MCC: variants seen among roughly 807,000 people sequenced by gnomAD.
The protein encoded by MCC is colorectal mutant cancer protein.
Under a neutral mutation model 116.2 loss-of-function variants are expected in MCC, and 90 were observed. The ratio of observed to expected loss-of-function variants is 0.77; its 90% CI spans 0.65 to 0.92. The LOEUF (loss-of-function observed/expected upper bound fraction) is 0.92, where lower values mean the gene tolerates loss of function less well. Among genes scored for constraint, MCC ranks in the 40% least tolerant of loss-of-function variants. The pLI is 0.00. For missense variants in MCC, 1,516 were observed against 1,312.2 expected (o/e 1.16, Z -2.40); for synonymous variants, 578 against 510.5 (o/e 1.13, Z -1.78).
Position 113,023,880 on chromosome 5 carries a change from A to G in MCC, c.*3422T>C, listed in dbSNP as rs1750339984. On this transcript the variant is annotated 3_prime_UTR_variant, in exon 19 of 19. Transcript: ENST00000408903. ...CCATAGGAAACACCTTCAGAAGGGA[A>G]CAAGCAACTATGGAGGTTCTTTAAT... 6.6e-6 allele frequency: 1 copy of G among 152,246 alleles called. No individual in the cohort carries two copies. The highest frequency in any genetic ancestry group is 1.5e-5 in the Non-Finnish European group (1 of 68,038). The allele number at this position is 152,246 out of a possible 1,614,324, so 9.4% of individuals were successfully genotyped here.
chr5:113,053,902 C>G lies in MCC; in HGVS notation c.2271G>C (p.Gln757His). 3 of 1,614,138 alleles carry G rather than the reference C, an allele frequency of 1.9e-6. No homozygotes were observed. The highest frequency in any genetic ancestry group is 2.5e-6 in the Non-Finnish European group (3 of 1,180,000). ...CDTEFTKEDE[Q>H]RLKDYIQQLK... ...GCTGCTGGATATAATCCTTCAGCCT[C>G]TGCTCGTCTTCTTTAGTGAACTCGG... Residue 757 changes from glutamine to histidine, a missense_variant, in exon 15 of 19, where the codon CAG (glutamine) becomes CAC (histidine). Transcript: ENST00000408903.
chr5:113,185,814 A>T (rs1761871108), intron 3 of MCC, among the ~76,000 whole-genome samples: 1 of 152,176 alleles, frequency 6.6e-6, no homozygotes, highest in Non-Finnish European at 1.5e-5. Context: ...TTGAGAATGA[A>T]GCGTGCTGTA....
Position 113,340,440 on chromosome 5 carries a change from CT to C in MCC, c.627+78del, listed in dbSNP as rs767934918. 8.8e-5 allele frequency: 107 copies of C among 1,214,042 alleles called. 6 individuals are homozygous for C. The highest frequency in any genetic ancestry group is 3.3e-4 in the South Asian group (26 of 79,520). 75.2% of individuals were successfully genotyped at this position (1,214,042 alleles called of 1,614,324 possible). A position where few individuals can be genotyped will look rare whatever the true frequency, so the allele number is the denominator to read the frequency against. ...AAGAAGACAATACCCGATATGTCCCCTGGAGCACAAAATTAAAATATTTGTA... is the reference window on the plus strand; with the variant it reads ...AAGAAGACAATACCCGATATGTCCCCGGAGCACAAAATTAAAATATTTGTA... On this transcript the variant is annotated intron_variant, in intron 3 of 18. Transcript: ENST00000408903.
intron 5 of MCC, among the ~76,000 whole-genome samples, chr5:113,129,656 C>G (rs1160038300): frequency 1.3e-5 from 2 of 152,182 alleles, no homozygotes; most frequent in Non-Finnish European, 2.9e-5. Flanking sequence ...AAAACAACCC[C>G]ATCAAAAAGT....
intron 6 of MCC, among the ~76,000 whole-genome samples, chr5:113,122,472 A>C (rs1382634171): frequency 1.3e-5 from 2 of 152,242 alleles, no homozygotes; most frequent in African/African-American, 4.8e-5. Context: ...GAAGTGACTT[A>C]TGTTTGAATC....
In MCC at chr5:113,144,469, C is replaced by T. The variant is rs551647397; in HGVS notation, c.742-1109G>A. Among the ~76,000 whole-genome samples the T allele has an allele frequency of 2.8e-4, 43 of 152,326 alleles. 1 individual carries two copies. The highest frequency in any genetic ancestry group is 3.4e-3 in the Middle Eastern group (1 of 294). Reference sequence around the variant, plus strand: ...GCCAAGAGCCATATGTGCTTTCCAGCGTTGCAGGTTGGCATCTCCAGTGAG... The same window carrying T: ...GCCAAGAGCCATATGTGCTTTCCAGTGTTGCAGGTTGGCATCTCCAGTGAG... On this transcript the variant is annotated intron_variant, in intron 4 of 18. Transcript: ENST00000408903.
chr5:113,459,630 T>A (rs1272348529), intron 1 of MCC, among the ~76,000 whole-genome samples: 3 of 152,150 alleles, frequency 2.0e-5, no homozygotes, highest in Non-Finnish European at 4.4e-5. Context: ...GTGGCAATCC[T>A]GATGGAAGGA....
At chr5:113,070,958 T>A (rs1753995030) in intron 12 of MCC, 136 bp downstream of exon 12, 4 of 861,618 alleles carry the variant, frequency 4.6e-6, no homozygotes, top group Non-Finnish European at 7.0e-6. Flanking sequence ...CTATTTGCTG[T>A]CCAAACCGCC....
intron 1 of MCC, among the ~76,000 whole-genome samples, chr5:113,423,405 T>G (rs554031747): frequency 6.6e-6 from 1 of 152,216 alleles, no homozygotes; most frequent in Admixed American, 6.5e-5. Flanking sequence ...CACAAAGCTA[T>G]GTGTTGATCC....
chr5:113,080,034 C>CA (rs1466830641), intron 11 of MCC, among the ~76,000 whole-genome samples: 1 of 152,170 alleles, frequency 6.6e-6, no homozygotes, highest in African/African-American at 2.4e-5. Flanking sequence ...TTTATGCAGC[C>CA]AACAGACACA....
At chr5:113,089,799 G>GA (rs1362177181) in intron 8 of MCC, among the ~76,000 whole-genome samples, 5 of 152,166 alleles carry the variant, frequency 3.3e-5, no homozygotes, top group African/African-American at 9.7e-5. Context: ...TCAAGGAGGT[G>GA]AAAAAACAAA....
At chr5:113,136,488 G>C (rs781111504) in intron 5 of MCC, among the ~76,000 whole-genome samples, 131 of 151,962 alleles carry the variant, frequency 8.6e-4, no homozygotes, top group Non-Finnish European at 1.5e-3. Context: ...CCTGGTTTAG[G>C]AGCTGCTGTA....
intron 3 of MCC, among the ~76,000 whole-genome samples, chr5:113,226,068 CA>C (rs1356665595): frequency 2.0e-5 from 3 of 152,224 alleles, no homozygotes; most frequent in East Asian, 3.8e-4. Context: ...TCCAGCTACA[CA>C]GGGGGCTGAG....
At chr5:113,090,839 C>T (rs1755576041) in intron 8 of MCC, among the ~76,000 whole-genome samples, 1 of 152,142 alleles carries the variant, frequency 6.6e-6, no homozygotes, top group Non-Finnish European at 1.5e-5. Flanking sequence ...AGAAATCCTG[C>T]ATTAAAAAAG....
intron 3 of MCC, among the ~76,000 whole-genome samples, chr5:113,227,578 T>C (rs768870283): frequency 1.8e-4 from 28 of 152,226 alleles, no homozygotes; most frequent in Non-Finnish European, 3.5e-4. Flanking sequence ...TAATGATTTA[T>C]AGAATAATAT....
intron 17 of MCC, among the ~76,000 whole-genome samples, chr5:113,042,799 G>GT (rs1218102401): frequency 6.6e-6 from 1 of 151,382 alleles, no homozygotes; most frequent in African/African-American, 2.4e-5. Context: ...TTCATTAATA[G>GT]TTTGAGAAAA....
At chr5:113,093,649 C>T (rs1300207278) in intron 8 of MCC, among the ~76,000 whole-genome samples, 1 of 151,966 alleles carries the variant, frequency 6.6e-6, no homozygotes, top group African/African-American at 2.4e-5. Flanking sequence ...TCCTTGGAAA[C>T]GTGAGGCTAG....
intron 8 of MCC, among the ~76,000 whole-genome samples, chr5:113,097,371 T>G (rs1756090060): frequency 6.6e-6 from 1 of 152,206 alleles, no homozygotes; most frequent in Non-Finnish European, 1.5e-5. Flanking sequence ...ATACATTCAT[T>G]AAAAACATAA....
intron 6 of MCC, among the ~76,000 whole-genome samples, chr5:113,118,602 T>C (rs1757531459): frequency 6.6e-6 from 1 of 152,198 alleles, no homozygotes; most frequent in African/African-American, 2.4e-5. Flanking sequence ...GATCGGCAAA[T>C]ACACTGCAGC....
Sources: allele counts gnomAD v4.1 joint callset (sites outside exome capture counted in the v4.1 genomes callset), GRCh38; gene constraint gnomAD v4.1.1; transcripts MANE v1.5; gene names NCBI Gene and HGNC (gene_info 2026-07-23, HGNC 2026-07-21).